TBC1D22A: variants seen among roughly 807,000 people sequenced by gnomAD.
TBC1D22A encodes putative GTPase activator.
TBC1D22A carries 38 observed loss-of-function variants against 60.2 expected under a neutral mutation model. The ratio of observed to expected loss-of-function variants is 0.63; its 90% CI spans 0.49 to 0.83. The LOEUF (loss-of-function observed/expected upper bound fraction) is 0.83, where lower values mean the gene tolerates loss of function less well. Among genes scored for constraint, TBC1D22A ranks in the 40% least tolerant of loss-of-function variants. TBC1D22A has a pLI of 0.00. For missense variants in TBC1D22A, 628 were observed against 701.0 expected (o/e 0.90, Z 1.18); for synonymous variants, 302 against 281.7 (o/e 1.07, Z -0.72).
chr22:47,076,361 GTA>G (rs769322904), intron 11 of TBC1D22A, among the ~76,000 whole-genome samples: 2,085 of 101,850 alleles, frequency 0.02, 45 homozygotes, highest in East Asian at 0.054. Context: ...ATATGTGTGT[GTA>G]TATATATATA....
intron 10 of TBC1D22A, among the ~76,000 whole-genome samples, chr22:47,010,793 T>C (rs1200205557): frequency 6.7e-6 from 1 of 149,028 alleles, no homozygotes; most frequent in African/African-American, 2.5e-5. Flanking sequence ...GATATTTTGT[T>C]GCATTTTTGG....
intron 9 of TBC1D22A, among the ~76,000 whole-genome samples, chr22:46,987,096 T>G (rs1378157024): frequency 6.6e-6 from 1 of 152,194 alleles, no homozygotes; most frequent in Non-Finnish European, 1.5e-5. Flanking sequence ...AGTGAGACTC[T>G]GTCCTCAAAC....
intron 4 of TBC1D22A, among the ~76,000 whole-genome samples, chr22:46,870,978 C>T (rs781085948): frequency 1.3e-5 from 2 of 152,134 alleles, no homozygotes; most frequent in African/African-American, 2.4e-5. Context: ...AAAAGCCAGA[C>T]ACACATGTTT....
chr22:47,107,636 C>T (rs1282366908), intron 11 of TBC1D22A, among the ~76,000 whole-genome samples: 1 of 152,204 alleles, frequency 6.6e-6, no homozygotes, highest in African/African-American at 2.4e-5. Flanking sequence ...TGATTAAGAG[C>T]TATGCTATGG....
intron 4 of TBC1D22A, among the ~76,000 whole-genome samples, chr22:46,862,684 C>T (rs2087967126): frequency 6.6e-6 from 1 of 152,116 alleles, no homozygotes; most frequent in African/African-American, 2.4e-5. Context: ...GTTTCCCATC[C>T]AAGGCCGCAG....
intron 11 of TBC1D22A, among the ~76,000 whole-genome samples, chr22:47,111,081 C>G (rs2065826924): frequency 6.6e-6 from 1 of 152,230 alleles, no homozygotes; most frequent in Non-Finnish European, 1.5e-5. Context: ...TGCCTGATCT[C>G]CGGCTTGACT....
At chr22:46,905,829 C>A (rs1253241315) in intron 7 of TBC1D22A, among the ~76,000 whole-genome samples, 2 of 152,228 alleles carry the variant, frequency 1.3e-5, no homozygotes, top group Non-Finnish European at 2.9e-5. Context: ...GGGGGCATGA[C>A]CTTCCCGTGT....
rs1045418081 is a variant in TBC1D22A, at chr22:47,173,732, G to A, written c.*106G>A. 66 of 1,541,944 alleles carry A rather than the reference G, an allele frequency of 4.3e-5. No homozygotes were observed. Among genetic ancestry groups the A allele is most frequent in the Non-Finnish European group, 2.6e-5 (30 of 1,135,168 alleles). The stretch of plus-strand genomic sequence containing the variant: ...TGGTCCCGGGCTGCTAAAAGGCCTT[G>A]TGAGGTGGCCCCACCCTCCAGGGGA... On this transcript the variant is annotated 3_prime_UTR_variant, in exon 13 of 13. Coordinates refer to ENST00000337137, the MANE Select transcript of TBC1D22A (RefSeq NM_014346.5).
intron 12 of TBC1D22A, chr22:47,116,349 A>G (rs1017984055): frequency 4.6e-5 from 7 of 152,266 alleles, no homozygotes; most frequent in Non-Finnish European, 8.8e-5. Context: ...AGTTAATTTT[A>G]TGGTGAACAG....
At chr22:46,920,624 G>T (rs1188588463) in intron 8 of TBC1D22A, among the ~76,000 whole-genome samples, 1 of 152,148 alleles carries the variant, frequency 6.6e-6, no homozygotes, top group Non-Finnish European at 1.5e-5. Flanking sequence ...GTCATGCTTT[G>T]CACAGAGAAG....
intron 7 of TBC1D22A, among the ~76,000 whole-genome samples, chr22:46,910,482 G>A (rs1213293984): frequency 2.6e-5 from 4 of 152,266 alleles, no homozygotes; most frequent in South Asian, 4.1e-4. Context: ...GTATGGCAGC[G>A]ATGTAATTCA....
intron 4 of TBC1D22A, among the ~76,000 whole-genome samples, chr22:46,832,892 G>A (rs942367627): frequency 2.6e-5 from 4 of 152,166 alleles, no homozygotes; most frequent in Admixed American, 2.6e-4. Context: ...ATGTGAGGAA[G>A]AAGGGATAGA....
intron 12 of TBC1D22A, among the ~76,000 whole-genome samples, chr22:47,119,303 G>A (rs1253871855): frequency 7.2e-5 from 11 of 152,034 alleles, no homozygotes; most frequent in South Asian, 2.1e-4. Context: ...GACCTGCCCC[G>A]CTGGAAAGAA....
intron 11 of TBC1D22A, among the ~76,000 whole-genome samples, chr22:47,108,982 A>C (rs1290655578): frequency 6.6e-6 from 1 of 152,234 alleles, no homozygotes; most frequent in African/African-American, 2.4e-5. Context: ...GGCGTGAGCC[A>C]CTGCACCCGG....
intron 12 of TBC1D22A, among the ~76,000 whole-genome samples, chr22:47,121,996 C>T (rs767968276): frequency 1.3e-5 from 2 of 152,246 alleles, no homozygotes; most frequent in South Asian, 2.1e-4. Context: ...TCAGATGTCC[C>T]CTCAGCTCGC....
In TBC1D22A at chr22:47,097,073, G is replaced by A. The variant is rs980731139; in HGVS notation, c.1330-14435G>A. ...TCCACATCAGTATGGGCATGGCCACGTGGCCTCCACATGAGTATGGGCGTG... is the reference window on the plus strand; with the variant it reads ...TCCACATCAGTATGGGCATGGCCACATGGCCTCCACATGAGTATGGGCGTG... On this transcript the variant is annotated intron_variant, in intron 11 of 12. Coordinates refer to ENST00000337137, the MANE Select transcript of TBC1D22A (RefSeq NM_014346.5). Among the ~76,000 whole-genome samples the A allele has an allele frequency of 4.6e-5, 7 of 152,142 alleles. No homozygotes were observed. The South Asian group carries it at 8.3e-4, about 18-fold the overall frequency.
chr22:46,821,275 A>T (rs2085818186), intron 4 of TBC1D22A, among the ~76,000 whole-genome samples: 1 of 152,138 alleles, frequency 6.6e-6, no homozygotes, highest in African/African-American at 2.4e-5. Context: ...TGGTCCTGTC[A>T]TCATGATGCT....
intron 5 of TBC1D22A, among the ~76,000 whole-genome samples, chr22:46,888,508 T>G (rs1036250741): frequency 3.9e-5 from 6 of 152,194 alleles, no homozygotes; most frequent in African/African-American, 1.4e-4. Context: ...GTTGGTACCA[T>G]GAGGGCCTGG....
intron 10 of TBC1D22A, among the ~76,000 whole-genome samples, chr22:47,000,378 G>C (rs1224914519): frequency 6.6e-6 from 1 of 152,100 alleles, no homozygotes; most frequent in Non-Finnish European, 1.5e-5. Context: ...GTAAGGAGTT[G>C]TGAAAGAATC....
Sources: gnomAD v4.1 joint callset for allele counts (sites outside exome capture counted in the v4.1 genomes callset) on GRCh38, gnomAD v4.1.1 for gene constraint, MANE v1.5 for transcripts, NCBI Gene and HGNC (gene_info 2026-07-23, HGNC 2026-07-21) for gene names.